The following SPHKAP variants were observed in gnomAD, a reference collection of about 807,000 sequenced individuals.
The protein encoded by SPHKAP is A-kinase anchor protein SPHKAP.
SPHKAP carries 67 observed loss-of-function variants against 137.5 expected under a neutral mutation model. The ratio of observed to expected loss-of-function variants is 0.49; its 90% CI spans 0.40 to 0.60. SPHKAP has a LOEUF of 0.60. Ranked by LOEUF, SPHKAP falls within the 20% of genes least tolerant of loss-of-function variation. The pLI is 0.00. For synonymous variants in SPHKAP, 813 were observed against 785.3 expected, an observed-to-expected ratio of 1.04 and a Z score of -0.59; for missense variants, 2,097 against 2,069.3, an observed-to-expected ratio of 1.01 and a Z score of -0.26.
chr2:228,062,007 T>C (rs574624250), intron 3 of SPHKAP, among the ~76,000 whole-genome samples: 1 of 151,982 alleles, frequency 6.6e-6, no homozygotes, highest in Non-Finnish European at 1.5e-5. Context: ...TAGTGTGGAA[T>C]AGGTTATGCT....
chr2:227,996,562 G>A lies in SPHKAP; in HGVS notation c.4449-868C>T, dbSNP rs1477934607. On this transcript the variant is annotated intron_variant, in intron 7 of 11. Coordinates refer to ENST00000392056, the MANE Select transcript of SPHKAP (RefSeq NM_001142644.2). ...ATCCACTTGCCTGTCTGTGAAAATA[G>A]CTTCCAAGTCTGGATCCCAGCCAGG... Among the ~76,000 whole-genome samples, 4 of 152,100 alleles carry A rather than the reference G, an allele frequency of 2.6e-5. No homozygotes were observed. The South Asian group carries it at 8.3e-4, about 32-fold the overall frequency.
At chr2:228,160,609 C>T (rs1199663385) in intron 1 of SPHKAP, among the ~76,000 whole-genome samples, 1 of 152,104 alleles carries the variant, frequency 6.6e-6, no homozygotes, top group Non-Finnish European at 1.5e-5. Flanking sequence ...TAACTCCCAC[C>T]AGATCCCTCC....
intron 6 of SPHKAP, among the ~76,000 whole-genome samples, chr2:228,021,168 T>C (rs1463411125): frequency 2.0e-5 from 3 of 152,328 alleles, no homozygotes; most frequent in Non-Finnish European, 4.4e-5. Context: ...AAGAGCTGAA[T>C]AAATGGGTAC....
intron 3 of SPHKAP, among the ~76,000 whole-genome samples, chr2:228,049,317 C>G (rs1696172491): frequency 6.6e-6 from 1 of 152,166 alleles, no homozygotes; most frequent in East Asian, 1.9e-4. Context: ...GTAAGTAATA[C>G]ACATGCACAG....
At chr2:227,995,732 A>G in intron 7 of SPHKAP, 38 bp from the exon 8 acceptor site, 2 of 1,169,932 alleles carry the variant, frequency 1.7e-6, no homozygotes, top group Non-Finnish European at 2.3e-6. Flanking sequence ...GAGAGGCAGC[A>G]CACACACACA....
chr2:228,036,264 C>CA (rs1220410075), intron 3 of SPHKAP, among the ~76,000 whole-genome samples: 3 of 151,972 alleles, frequency 2.0e-5, no homozygotes, highest in African/African-American at 4.8e-5. Flanking sequence ...TTTATGCAGC[C>CA]AAAAAACACA....
chr2:228,041,377 GC>G (rs1428893693), intron 3 of SPHKAP, among the ~76,000 whole-genome samples: 1 of 152,130 alleles, frequency 6.6e-6, no homozygotes, highest in Non-Finnish European at 1.5e-5. Context: ...GGGCACAGTG[GC>G]TCACACCTGT....
chr2:228,175,800 A>G (rs1434860223), intron 1 of SPHKAP, among the ~76,000 whole-genome samples: 1 of 152,176 alleles, frequency 6.6e-6, no homozygotes, highest in Non-Finnish European at 1.5e-5. Context: ...ATTTGAAGAG[A>G]TAGATAGATT....
intron 1 of SPHKAP, among the ~76,000 whole-genome samples, 185 bp from the exon 2 acceptor site, chr2:228,132,270 C>T (rs1699277014): frequency 6.6e-6 from 1 of 152,130 alleles, no homozygotes; most frequent in Non-Finnish European, 1.5e-5. Flanking sequence ...TTGGCAGAAC[C>T]ACTACAGACG....
chr2:228,050,059 C>A (rs969351911), intron 3 of SPHKAP, among the ~76,000 whole-genome samples: 2 of 152,066 alleles, frequency 1.3e-5, no homozygotes, highest in Admixed American at 6.6e-5. Flanking sequence ...TAAAAAAACA[C>A]GTACAAGTGG....
chr2:228,111,049 C>A (rs1344412474), intron 2 of SPHKAP, among the ~76,000 whole-genome samples: 2 of 151,984 alleles, frequency 1.3e-5, no homozygotes, highest in Non-Finnish European at 2.9e-5. Context: ...TAATATTTTT[C>A]TTAGAGTGCA....
chr2:228,161,206 C>T (rs925611652), intron 1 of SPHKAP, among the ~76,000 whole-genome samples: 25 of 152,122 alleles, frequency 1.6e-4, no homozygotes, highest in African/African-American at 5.3e-4. Context: ...GGTAAAGAGA[C>T]CCAGTAGGTA....
At chr2:228,171,662 A>G (rs901410556) in intron 1 of SPHKAP, among the ~76,000 whole-genome samples, 12 of 152,092 alleles carry the variant, frequency 7.9e-5, no homozygotes, top group Non-Finnish European at 1.6e-4. Context: ...TGTACTGGGT[A>G]TCTACTTCCT....
At chr2:228,120,083 G>A (rs959830492) in intron 2 of SPHKAP, among the ~76,000 whole-genome samples, 7 of 152,090 alleles carry the variant, frequency 4.6e-5, no homozygotes, top group Non-Finnish European at 7.4e-5. Flanking sequence ...TTATCAAGAA[G>A]AATTTACCAG....
intron 3 of SPHKAP, among the ~76,000 whole-genome samples, chr2:228,046,258 A>G (rs1208244512): frequency 1.3e-5 from 2 of 148,288 alleles, no homozygotes; most frequent in Non-Finnish European, 3.0e-5. Context: ...CGTGTTTCAA[A>G]ACATTTTCTG....
intron 7 of SPHKAP, among the ~76,000 whole-genome samples, chr2:228,006,925 C>T (rs114354794): frequency 0.029 from 4,340 of 152,268 alleles, 84 homozygotes; most frequent in South Asian, 0.055. Flanking sequence ...GGTACTCAGC[C>T]GTGTGAGGTG....
chr2:228,057,196 A>G (rs1381803425), intron 3 of SPHKAP, among the ~76,000 whole-genome samples: 2 of 152,230 alleles, frequency 1.3e-5, no homozygotes, highest in Non-Finnish European at 1.5e-5. Flanking sequence ...ATCAGATACT[A>G]TAAATCATAC....
intron 3 of SPHKAP, among the ~76,000 whole-genome samples, chr2:228,037,652 AC>A (rs58253247): frequency 0.17 from 25,271 of 152,092 alleles, 2,311 homozygotes; most frequent in East Asian, 0.39. Flanking sequence ...ACCTGTGGTC[AC>A]TCCAATGACT....
intron 7 of SPHKAP, among the ~76,000 whole-genome samples, chr2:228,001,665 A>G (rs1693907087): frequency 6.6e-6 from 1 of 151,290 alleles, no homozygotes; most frequent in Non-Finnish European, 1.5e-5. Context: ...GGTGTGCTGC[A>G]CCCATTAACT....
Sources: gnomAD v4.1 joint callset for allele counts (sites outside exome capture counted in the v4.1 genomes callset) on GRCh38, gnomAD v4.1.1 for gene constraint, MANE v1.5 for transcripts, NCBI Gene and HGNC (gene_info 2026-07-23, HGNC 2026-07-21) for gene names.